Variants in GFRAL observed in about 807,000 individuals in gnomAD.
GFRAL encodes GDNF family receptor alpha like, also known as GDNF family receptor alpha-like.
In GFRAL, 36 loss-of-function variants were observed where a neutral mutation model predicts 45.4. That is an observed-to-expected ratio of 0.79 (90% confidence interval 0.61 to 1.05). The LOEUF is 1.05. Among genes scored for constraint, GFRAL ranks in the 50% least tolerant of loss-of-function variants. The pLI is 0.00. For synonymous variants in GFRAL, 166 were observed against 154.1 expected, an observed-to-expected ratio of 1.08 and a Z score of -0.57; for missense variants, 507 against 467.5, an observed-to-expected ratio of 1.08 and a Z score of -0.78.
chr6:55,369,214 G>A (rs551526606), intron 6 of GFRAL, among the ~76,000 whole-genome samples: 5 of 152,196 alleles, frequency 3.3e-5, no homozygotes, highest in East Asian at 1.9e-4. Flanking sequence ...TCCAGGTGCC[G>A]TCCGTCACCC....
intron 3 of GFRAL, among the ~76,000 whole-genome samples, chr6:55,334,175 C>T (rs1037342581): frequency 6.6e-6 from 1 of 151,970 alleles, no homozygotes; most frequent in Non-Finnish European, 1.5e-5. Flanking sequence ...GAGCCATAGA[C>T]CTCAGTAAGT....
chr6:55,392,527 A>T (rs115888659), intron 6 of GFRAL, among the ~76,000 whole-genome samples: 1 of 152,154 alleles, frequency 6.6e-6, no homozygotes. Flanking sequence ...TCCATATCTC[A>T]TGGGGACATG....
Position 55,327,518 on chromosome 6 carries a change from C to T in GFRAL, c.-37C>T, listed in dbSNP as rs1767780980. 10 of 1,611,314 alleles carry T rather than the reference C, an allele frequency of 6.2e-6. No homozygotes were observed. Among genetic ancestry groups the T allele is most frequent in the Non-Finnish European group, 8.5e-6 (10 of 1,178,248 alleles). ...AAAGTTGTCAGAAGAAACGCATCTG[C>T]CTTTTTTTCCAGGTGAACTGCCGTG... On this transcript the variant is annotated 5_prime_UTR_variant, in exon 1 of 9. Transcript: ENST00000340465.
At chr6:55,375,770 A>G (rs577801949) in intron 6 of GFRAL, among the ~76,000 whole-genome samples, 2 of 152,102 alleles carry the variant, frequency 1.3e-5, no homozygotes, top group African/African-American at 4.8e-5. Flanking sequence ...GGCTAAAACA[A>G]TGGGGTTTTC....
chr6:55,344,414 A>T (rs2127353136), intron 3 of GFRAL, among the ~76,000 whole-genome samples: 1 of 152,340 alleles, frequency 6.6e-6, no homozygotes, highest in African/African-American at 2.4e-5. Flanking sequence ...ATAACCCAGC[A>T]TATAAACAGA....
At chr6:55,377,963 G>GA (rs879900018) in intron 6 of GFRAL, among the ~76,000 whole-genome samples, 3 of 152,100 alleles carry the variant, frequency 2.0e-5, no homozygotes, top group Non-Finnish European at 4.4e-5. Flanking sequence ...CTTCTTTGGG[G>GA]ACCTTCTAAG....
intron 3 of GFRAL, among the ~76,000 whole-genome samples, chr6:55,347,888 T>A (rs1768064429): frequency 6.6e-6 from 1 of 152,200 alleles, no homozygotes; most frequent in African/African-American, 2.4e-5. Context: ...CTGTTGCATT[T>A]AATTCAACTA....
At chr6:55,386,487 A>C (rs1768683694) in intron 6 of GFRAL, among the ~76,000 whole-genome samples, 1 of 152,098 alleles carries the variant, frequency 6.6e-6, no homozygotes, top group African/African-American at 2.4e-5. Flanking sequence ...TGTTTTTGTA[A>C]GTATATGTGT....
chr6:55,366,527 G>A (rs972920647), intron 6 of GFRAL, among the ~76,000 whole-genome samples: 8 of 144,114 alleles, frequency 5.6e-5, no homozygotes, highest in South Asian at 4.4e-4. Flanking sequence ...TTTTAATTGC[G>A]ATGTTAGGGT....
At chr6:55,346,841 C>CAA (rs201074401) in intron 3 of GFRAL, among the ~76,000 whole-genome samples, 3 of 76,342 alleles carry the variant, frequency 3.9e-5, no homozygotes, top group Admixed American at 1.7e-4. Context: ...TCCCCCCCCC[C>CAA]CAAAAAAAAG....
chr6:55,371,828 A>G (rs534723094), intron 6 of GFRAL, among the ~76,000 whole-genome samples: 3 of 152,292 alleles, frequency 2.0e-5, no homozygotes, highest in East Asian at 1.9e-4. Flanking sequence ...AAGAATCTCT[A>G]TTTGTACAAA....
intron 6 of GFRAL, among the ~76,000 whole-genome samples, chr6:55,361,635 C>G (rs1210330066): frequency 6.6e-6 from 1 of 151,816 alleles, no homozygotes; most frequent in African/African-American, 2.4e-5. Flanking sequence ...AAATTCCAAA[C>G]AAAACCAGAA....
chr6:55,349,059 C>T (rs564020699), intron 3 of GFRAL, among the ~76,000 whole-genome samples: 6 of 152,024 alleles, frequency 3.9e-5, no homozygotes, highest in Non-Finnish European at 5.9e-5. Flanking sequence ...CTCAGAGAGG[C>T]GGGATGATGG....
intron 3 of GFRAL, among the ~76,000 whole-genome samples, chr6:55,341,675 A>G (rs1435745804): frequency 3.3e-5 from 5 of 152,224 alleles, no homozygotes; most frequent in Non-Finnish European, 5.9e-5. Context: ...TGGATGGAGA[A>G]TGACTTTGAC....
At chr6:55,375,635 A>G (rs1768513490) in intron 6 of GFRAL, among the ~76,000 whole-genome samples, 2 of 152,112 alleles carry the variant, frequency 1.3e-5, no homozygotes, top group Non-Finnish European at 2.9e-5. Context: ...TGCTCTGGCC[A>G]AAACTTCCAA....
chr6:55,359,718 C>T (rs1286634398), intron 6 of GFRAL, among the ~76,000 whole-genome samples: 2 of 151,938 alleles, frequency 1.3e-5, no homozygotes, highest in Admixed American at 1.3e-4. Context: ...TAGCCAAAAA[C>T]TCTTATGTGG....
intron 6 of GFRAL, among the ~76,000 whole-genome samples, chr6:55,390,237 G>T (rs965685465): frequency 1.3e-5 from 2 of 152,174 alleles, no homozygotes; most frequent in Admixed American, 6.5e-5. Flanking sequence ...TTAAGCACCT[G>T]CAATCTGTCA....
At chr6:55,366,327 C>CT (rs918267964) in intron 6 of GFRAL, among the ~76,000 whole-genome samples, 17 of 150,840 alleles carry the variant, frequency 1.1e-4, no homozygotes, top group East Asian at 3.9e-4. Flanking sequence ...TGATTCTGCT[C>CT]TTTTTTTTTC....
At chr6:55,373,043 C>A (rs1359972132) in intron 6 of GFRAL, among the ~76,000 whole-genome samples, 1 of 151,754 alleles carries the variant, frequency 6.6e-6, no homozygotes, top group Non-Finnish European at 1.5e-5. Flanking sequence ...CACACCCAAA[C>A]CCCCACTATA....
Sources: gnomAD v4.1 joint callset for allele counts (sites outside exome capture counted in the v4.1 genomes callset) on GRCh38, gnomAD v4.1.1 for gene constraint, MANE v1.5 for transcripts, NCBI Gene and HGNC (gene_info 2026-07-23, HGNC 2026-07-21) for gene names.